The following SFT2D1 variants were observed in gnomAD, a reference collection of about 807,000 sequenced individuals.
SFT2D1 encodes the protein SFT2 domain containing 1, also known as vesicle transport protein SFT2A.
SFT2D1 carries 24 observed loss-of-function variants against 28.1 expected under a neutral mutation model. The observed-to-expected ratio is 0.85, with a 90% CI of 0.62 to 1.20. The LOEUF is 1.20. Among genes scored for constraint, SFT2D1 ranks in the 50% most tolerant of loss-of-function variants. The probability of loss-of-function intolerance (pLI) is 0.00; values close to 1 mark genes in which losing one functional copy is unlikely to be tolerated. For missense variants in SFT2D1, 181 were observed against 190.9 expected (o/e 0.95, Z 0.31); for synonymous variants, 82 against 73.7 (o/e 1.11, Z -0.58).
chr6:166,325,992 T>C (rs979908297), intron 5 of SFT2D1, 140 bp downstream of exon 5: 8 of 803,972 alleles, frequency 1.0e-5, no homozygotes, highest in Non-Finnish European at 1.7e-5. Flanking sequence ...GATGGTAACA[T>C]GTCAAATTTT....
chr6:166,337,932 C>A (rs953757932), intron 1 of SFT2D1, among the ~76,000 whole-genome samples: 2 of 152,004 alleles, frequency 1.3e-5, no homozygotes, highest in Non-Finnish European at 2.9e-5. Context: ...GATCCACGCC[C>A]TAATAAGACG....
At chr6:166,334,740 C>T in intron 1 of SFT2D1, 1 of 345,246 alleles carries the variant, frequency 2.9e-6, no homozygotes, top group Non-Finnish European at 5.6e-6. Flanking sequence ...ATCCAAGCAC[C>T]AAGCACTCTG....
chr6:166,326,067 T>C, intron 5 of SFT2D1, 65 bp downstream of exon 5: 1 of 1,411,084 alleles, frequency 7.1e-7, no homozygotes, highest in Non-Finnish European at 1.0e-6. Context: ...AATGGTGTGA[T>C]GACACGTCAG....
chr6:166,322,689 C>CA (rs1159615099), intron 7 of SFT2D1, among the ~76,000 whole-genome samples, 168 bp downstream of exon 7: 14,930 of 54,284 alleles, frequency 0.28, 2,297 homozygotes, highest in East Asian at 0.48. Flanking sequence ...GACTCTGTCT[C>CA]AAAAAAAAAA....
intron 5 of SFT2D1, chr6:166,324,811 G>A: frequency 1.9e-6 from 1 of 527,570 alleles, no homozygotes. Context: ...TTTAAATACT[G>A]CAAAATATAT....
At chr6:166,332,539 C>T (rs1453629383) in intron 1 of SFT2D1, among the ~76,000 whole-genome samples, 3 of 152,176 alleles carry the variant, frequency 2.0e-5, no homozygotes, top group Non-Finnish European at 4.4e-5. Flanking sequence ...CAGGCATGAG[C>T]CACGAGCCAC....
In SFT2D1 at chr6:166,320,119, C is replaced by T; in HGVS notation, c.*98G>A. On this transcript the variant is annotated 3_prime_UTR_variant, in exon 8 of 8. Coordinates refer to ENST00000361731, the MANE Select transcript of SFT2D1 (RefSeq NM_145169.3). ...TTAGTACAAAACGGTCTTCAACTGTCACGTCAGTTGTTCCTGGAGTGTTTT... is the reference window on the plus strand; with the variant it reads ...TTAGTACAAAACGGTCTTCAACTGTTACGTCAGTTGTTCCTGGAGTGTTTT... The T allele has an allele frequency of 9.0e-7, 1 of 1,113,220 alleles. No homozygotes were observed. The highest frequency in any genetic ancestry group is 1.6e-5 in the African/African-American group (1 of 63,958). 69.0% of individuals were successfully genotyped at this position (1,113,220 alleles called of 1,614,324 possible).
chr6:166,335,078 C>G (rs1305747322), intron 1 of SFT2D1: 6 of 565,876 alleles, frequency 1.1e-5, no homozygotes, highest in Middle Eastern at 5.5e-4. Flanking sequence ...AAATACCATA[C>G]TGTGAATGGC....
chr6:166,342,230 G>A (rs573990622), intron 1 of SFT2D1, among the ~76,000 whole-genome samples, 189 bp downstream of exon 1: 1 of 152,156 alleles, frequency 6.6e-6, no homozygotes, highest in East Asian at 1.9e-4. Context: ...GGTTTAAGTA[G>A]ACCGCATGGA....
At chr6:166,321,187 T>C (rs1424194757) in intron 7 of SFT2D1, among the ~76,000 whole-genome samples, 2 of 152,208 alleles carry the variant, frequency 1.3e-5, no homozygotes, top group African/African-American at 2.4e-5. Context: ...TAAAAGAAGA[T>C]TGAAGTGTGA....
At position 166,333,967 on chromosome 6, in the gene SFT2D1, C is replaced by T. The variant is rs182012328; in HGVS notation, c.64-3720G>A. Among the ~76,000 whole-genome samples, 82 of 152,302 alleles carry T rather than the reference C, an allele frequency of 5.4e-4. 1 individual carries two copies. The East Asian group carries it at 0.013, about 25-fold the overall frequency. ...CATGCTCTTGTCCTTTCCTGGTTCC[C>T]ACAGAGCTGAGATCCACCTGTCCAC... On this transcript the variant is annotated intron_variant, in intron 1 of 7. Coordinates refer to ENST00000361731, the MANE Select transcript of SFT2D1 (RefSeq NM_145169.3).
chr6:166,322,055 T>A (rs1360328205), intron 7 of SFT2D1, among the ~76,000 whole-genome samples: 2 of 152,196 alleles, frequency 1.3e-5, no homozygotes, highest in African/African-American at 4.8e-5. Context: ...GCTAATTTTG[T>A]ATTTTTTAGT....
At chr6:166,333,380 C>G (rs1185588380) in intron 1 of SFT2D1, among the ~76,000 whole-genome samples, 1 of 152,204 alleles carries the variant, frequency 6.6e-6, no homozygotes, top group Non-Finnish European at 1.5e-5. Flanking sequence ...CTCCACTCCA[C>G]TCAGTGACCC....
chr6:166,332,131 T>G (rs571819048), intron 1 of SFT2D1, among the ~76,000 whole-genome samples: 1 of 152,354 alleles, frequency 6.6e-6, no homozygotes, highest in African/African-American at 2.4e-5. Flanking sequence ...TCTCAAGTCT[T>G]GCAAATTGTC....
chr6:166,330,385 A>C, intron 1 of SFT2D1, 138 bp from the exon 2 acceptor site: 1 of 638,858 alleles, frequency 1.6e-6, no homozygotes, highest in South Asian at 2.0e-5. Context: ...CAAGAATACT[A>C]AGATTCCACG....
chr6:166,324,779 T>C (rs1778414278), intron 5 of SFT2D1, 184 bp from the exon 6 acceptor site: 4 of 581,682 alleles, frequency 6.9e-6, no homozygotes, highest in Non-Finnish European at 1.2e-5. Flanking sequence ...ATACATTTCC[T>C]TTCTAAAACT....
chr6:166,335,440 C>A, intron 1 of SFT2D1: 4 of 556,252 alleles, frequency 7.2e-6, no homozygotes, highest in South Asian at 4.1e-5. Context: ...GAAGCTCTGG[C>A]CCTTATGGTG....
At chr6:166,335,805 G>C (rs1347815894) in intron 1 of SFT2D1, among the ~76,000 whole-genome samples, 2 of 152,220 alleles carry the variant, frequency 1.3e-5, no homozygotes, top group Admixed American at 6.5e-5. Flanking sequence ...AGAAGCGATA[G>C]GGAAGCTACA....
chr6:166,322,783 A>C (rs1161172874), intron 7 of SFT2D1, 74 bp downstream of exon 7: 5 of 1,262,376 alleles, frequency 4.0e-6, no homozygotes, highest in Middle Eastern at 2.4e-4. Context: ...TTTATGTAAA[A>C]ATTACTTAAA....
Sources: allele counts gnomAD v4.1 joint callset (sites outside exome capture counted in the v4.1 genomes callset), GRCh38; gene constraint gnomAD v4.1.1; transcripts MANE v1.5; gene names NCBI Gene and HGNC (gene_info 2026-07-23, HGNC 2026-07-21).